SAP30L: variants seen among roughly 807,000 people sequenced by gnomAD.
SAP30L encodes the protein histone deacetylase complex subunit SAP30L.
SAP30L carries 10 observed loss-of-function variants against 22.3 expected under a neutral mutation model. The ratio of observed to expected loss-of-function variants is 0.45; its 90% CI spans 0.28 to 0.76. The LOEUF (loss-of-function observed/expected upper bound fraction) is 0.76. Among genes scored for constraint, SAP30L ranks in the 30% least tolerant of loss-of-function variants. The pLI is 0.14. For synonymous variants in SAP30L, 91 were observed against 94.1 expected, an observed-to-expected ratio of 0.97 and a Z score of 0.19; for missense variants, 206 against 237.9, an observed-to-expected ratio of 0.87 and a Z score of 0.88.
At chr5:154,454,960 C>T (rs541900069) in intron 3 of SAP30L, among the ~76,000 whole-genome samples, 1 of 151,828 alleles carries the variant, frequency 6.6e-6, no homozygotes, top group Non-Finnish European at 1.5e-5. Context: ...TGCTCTATCT[C>T]CCAGGCTGGA....
At position 154,447,345 on chromosome 5, in the gene SAP30L, C is replaced by G. The variant is rs562696630; in HGVS notation, c.201+540C>G. Among the ~76,000 whole-genome samples, 13 of 152,316 alleles carry G rather than the reference C, an allele frequency of 8.5e-5. No homozygotes were observed. The East Asian group carries it at 2.5e-3, about 29-fold the overall frequency. ...GATGTGGCAGAAATAAGGCCAAGGCCAGGTCTTGAGAAATGGCTCTTGCAG... is the reference window on the plus strand; with the variant it reads ...GATGTGGCAGAAATAAGGCCAAGGCGAGGTCTTGAGAAATGGCTCTTGCAG... On this transcript the variant is annotated intron_variant, in intron 1 of 3. Coordinates refer to ENST00000297109, the MANE Select transcript of SAP30L (RefSeq NM_024632.6).
chr5:154,446,880 A>C, intron 1 of SAP30L, 75 bp downstream of exon 1: 2 of 1,321,880 alleles, frequency 1.5e-6, no homozygotes, highest in Non-Finnish European at 2.1e-6. Context: ...TCCAGTCGGG[A>C]CTCCCCGGGC....
chr5:154,449,101 T>G (rs1757086068), intron 1 of SAP30L, among the ~76,000 whole-genome samples: 1 of 152,234 alleles, frequency 6.6e-6, no homozygotes, highest in Non-Finnish European at 1.5e-5. Context: ...AAAATGATTA[T>G]TTATCTTGTA....
Position 154,459,861 on chromosome 5 carries a change from GA to G in SAP30L, c.*3834del. ...GTAAGGACTTTGCACTGTTTTTGCT[GA>G]GAAAACAACGCTTCAGGACTTAAGG... On this transcript the variant is annotated 3_prime_UTR_variant, in exon 4 of 4. Coordinates refer to ENST00000297109, the MANE Select transcript of SAP30L (RefSeq NM_024632.6). 6.6e-6 allele frequency: 1 copy of G among 152,314 alleles called. No homozygotes were observed. Among genetic ancestry groups the G allele is most frequent in the African/African-American group, 2.4e-5 (1 of 41,568 alleles). 9.4% of individuals were successfully genotyped at this position (152,314 alleles called of 1,614,324 possible).
intron 1 of SAP30L, among the ~76,000 whole-genome samples, chr5:154,447,508 G>A (rs944571007): frequency 6.6e-6 from 1 of 152,234 alleles, no homozygotes; most frequent in Non-Finnish European, 1.5e-5. Context: ...CCTCCCGTGT[G>A]ACTTCACCAC....
rs1756992629 is a variant in SAP30L, at chr5:154,446,163, G to C, written c.-442G>C. The C allele has an allele frequency of 6.5e-6, 1 of 152,716 alleles. No homozygotes were observed. Among genetic ancestry groups the C allele is most frequent in the Admixed American group, 6.5e-5 (1 of 15,270 alleles). 9.5% of individuals were successfully genotyped at this position (152,716 alleles called of 1,614,324 possible). Reference sequence around the variant, plus strand: ...GCGCGAGGAGGCCGCGCCACCCCGGGGGAGCTGCCCGGCAGCGAGTTTGCC... The same window carrying C: ...GCGCGAGGAGGCCGCGCCACCCCGGCGGAGCTGCCCGGCAGCGAGTTTGCC... On this transcript the variant is annotated 5_prime_UTR_variant, in exon 1 of 4. Transcript: ENST00000297109.
Position 154,455,100 on chromosome 5 carries a change from T to C in SAP30L, c.424-800T>C, listed in dbSNP as rs370522758. Among the ~76,000 whole-genome samples, 7 of 152,252 alleles carry C rather than the reference T, an allele frequency of 4.6e-5. No individual in the cohort carries two copies. The East Asian group carries it at 1.2e-3, about 25-fold the overall frequency. On this transcript the variant is annotated intron_variant, in intron 3 of 3. Transcript: ENST00000297109. ...ACCCGGCTAATCTTTGTATTTTTAG[T>C]AGAGGCTGGGTTTCACCATGTTGGC...
rs1226434345 is a variant in SAP30L at position 154,460,267 on chromosome 5, A to G, written c.*4239A>G. On this transcript the variant is annotated 3_prime_UTR_variant, in exon 4 of 4. Transcript: ENST00000297109. ...CAGATCTAGCCTGTTATTTAAAACCAGGGTTCAAAAGCCCTATTGGGAGAG... is the reference window on the plus strand; with the variant it reads ...CAGATCTAGCCTGTTATTTAAAACCGGGGTTCAAAAGCCCTATTGGGAGAG... 2 of 152,244 alleles carry G rather than the reference A, an allele frequency of 1.3e-5. No individual in the cohort carries two copies. Among genetic ancestry groups the G allele is most frequent in the East Asian group, 1.9e-4 (1 of 5,204 alleles). 9.4% of individuals were successfully genotyped at this position (152,244 alleles called of 1,614,324 possible). A position where few individuals can be genotyped will look rare whatever the true frequency, so the allele number is the denominator to read the frequency against.
rs1757352114 is a variant in SAP30L, at chr5:154,460,512, C to G, written c.*4484C>G. 6.6e-6 allele frequency: 1 copy of G among 152,180 alleles called. No individual in the cohort carries two copies. The highest frequency in any genetic ancestry group is 2.1e-4 in the South Asian group (1 of 4,830). 9.4% of individuals were successfully genotyped at this position (152,180 alleles called of 1,614,324 possible). Reference sequence around the variant, plus strand: ...TCTAGGGGTGCCTTTTTATTCCTTTCATTGTATTATAGACTGTTTCCAAGT... The same window carrying G: ...TCTAGGGGTGCCTTTTTATTCCTTTGATTGTATTATAGACTGTTTCCAAGT... On this transcript the variant is annotated 3_prime_UTR_variant, in exon 4 of 4. Coordinates refer to ENST00000297109, the MANE Select transcript of SAP30L (RefSeq NM_024632.6).
intron 1 of SAP30L, among the ~76,000 whole-genome samples, chr5:154,447,893 T>C (rs748888508): frequency 9.9e-5 from 15 of 151,878 alleles, no homozygotes; most frequent in Non-Finnish European, 1.5e-4. Context: ...CCAAGCCCTA[T>C]ACATAAGTCT....
chr5:154,455,803 GCATGCAA>G, intron 3 of SAP30L, 90 bp from the exon 4 acceptor site: 1 of 1,418,820 alleles, frequency 7.0e-7, no homozygotes, highest in Non-Finnish European at 9.4e-7. Context: ...TCCCGCCACA[GCATGCAA>G]ACAACTCCAT....
chr5:154,448,421 A>T (rs2113268049), intron 1 of SAP30L, among the ~76,000 whole-genome samples: 1 of 152,308 alleles, frequency 6.6e-6, no homozygotes, highest in Non-Finnish European at 1.5e-5. Flanking sequence ...TCTATCAATG[A>T]ATGCATGAAT....
intron 2 of SAP30L, among the ~76,000 whole-genome samples, chr5:154,452,920 T>TC (rs890528026): frequency 2.0e-5 from 3 of 151,824 alleles, no homozygotes. Flanking sequence ...TCCCTCCGTA[T>TC]CCCCCCATCA....
Position 154,457,985 on chromosome 5 carries a change from T to C in SAP30L, c.*1957T>C, listed in dbSNP as rs1757299379. 6.6e-6 allele frequency: 1 copy of C among 152,230 alleles called. No homozygotes were observed. The highest frequency in any genetic ancestry group is 1.5e-5 in the Non-Finnish European group (1 of 68,032). The allele number at this position is 152,230 out of a possible 1,614,324, so 9.4% of individuals were successfully genotyped here. On this transcript the variant is annotated 3_prime_UTR_variant, in exon 4 of 4. Transcript: ENST00000297109. The stretch of plus-strand genomic sequence containing the variant: ...ATCTTAATGAGTAAAAAAGTGTATT[T>C]TTCTGATACGTAAACCAGAATTGTG...
At chr5:154,452,743 A>AGCCCTTCCCACT (rs3841538) in intron 2 of SAP30L, among the ~76,000 whole-genome samples, 28,939 of 151,754 alleles carry the variant, frequency 0.19, 3,356 homozygotes, top group Admixed American at 0.35. Context: ...TGAGGATAAC[A>AGCCCTTCCCACT]GCCCTCCTTT....
chr5:154,448,172 C>T (rs902443016), intron 1 of SAP30L, among the ~76,000 whole-genome samples: 11 of 151,938 alleles, frequency 7.2e-5, no homozygotes, highest in African/African-American at 9.7e-5. Context: ...GATAGGGTTT[C>T]GCCATGTTGG....
chr5:154,453,573 T>C, intron 3 of SAP30L, 73 bp downstream of exon 3: 3 of 1,007,784 alleles, frequency 3.0e-6, no homozygotes, highest in Non-Finnish European at 4.7e-6. Context: ...GATTCTCCCT[T>C]ACCTTGTGTG....
rs922648898 is a variant in SAP30L at position 154,457,262 on chromosome 5, A to G, written c.*1234A>G. ...CCTGTGAAAACAAAGCTTTATATCC[A>G]AAAATGTGCTTTTGCAAAATTCTTT... On this transcript the variant is annotated 3_prime_UTR_variant, in exon 4 of 4. Transcript: ENST00000297109. 1 of 152,364 alleles carries G rather than the reference A, an allele frequency of 6.6e-6. No homozygotes were observed. Among genetic ancestry groups the G allele is most frequent in the East Asian group, 1.9e-4 (1 of 5,192 alleles). 9.4% of individuals were successfully genotyped at this position (152,364 alleles called of 1,614,324 possible). A position where few individuals can be genotyped will look rare whatever the true frequency, so the allele number is the denominator to read the frequency against.
chr5:154,448,360 T>C (rs1252481431), intron 1 of SAP30L, among the ~76,000 whole-genome samples: 6 of 152,176 alleles, frequency 3.9e-5, no homozygotes, highest in Admixed American at 1.3e-4. Flanking sequence ...CATGGACAGG[T>C]GCTATTTTTA....
Sources: gnomAD v4.1 joint callset for allele counts (sites outside exome capture counted in the v4.1 genomes callset) on GRCh38, gnomAD v4.1.1 for gene constraint, MANE v1.5 for transcripts, NCBI Gene and HGNC (gene_info 2026-07-23, HGNC 2026-07-21) for gene names.